ASB9: variants seen among roughly 807,000 people sequenced by gnomAD.
The protein encoded by ASB9 is ankyrin repeat and SOCS box containing 9.
ASB9 carries 5 observed loss-of-function variants against 16.6 expected under a neutral mutation model. That is an observed-to-expected ratio of 0.30 (90% CI 0.16 to 0.63). The LOEUF (loss-of-function observed/expected upper bound fraction) is 0.63, where lower values mean the gene tolerates loss of function less well. Ranked by LOEUF, ASB9 falls within the 30% of genes least tolerant of loss-of-function variation. The pLI is 0.82. For missense variants in ASB9, 216 were observed against 229.4 expected (o/e 0.94, Z 0.38); for synonymous variants, 100 against 86.4 (o/e 1.16, Z -0.87).
chrX:15,255,928 TAAA>T (rs933330601), intron 2 of ASB9, among the ~76,000 whole-genome samples: 4 of 111,701 alleles, frequency 3.6e-5, no homozygotes, highest in African/African-American at 9.8e-5. Context: ...ATATTTGTAA[TAAA>T]AATATCAGTT....
At position 15,269,763 on chromosome X, in the gene ASB9, AC is replaced by A; in HGVS notation, c.94+17del. On this transcript the variant is annotated intron_variant, in intron 1 of 6. Coordinates refer to ENST00000380488, the MANE Select transcript of ASB9 (RefSeq NM_001031739.3). Reference sequence around the variant, plus strand: ...AGCCAACCTCCCCAGGGCTGATTCCACTGCCCCTATGACTCACCGCCCATCA... The same window carrying A: ...AGCCAACCTCCCCAGGGCTGATTCCATGCCCCTATGACTCACCGCCCATCA... 8.4e-7 allele frequency: 1 copy of A among 1,190,367 alleles called. No individual in the cohort carries two copies. The highest frequency in any genetic ancestry group is 1.1e-6 in the Non-Finnish European group (1 of 881,625).
Position 15,268,909 on chromosome X carries a change from C to T in ASB9, c.94+872G>A, listed in dbSNP as rs748611707. Among the ~76,000 whole-genome samples, 8 of 111,141 alleles carry T rather than the reference C, an allele frequency of 7.2e-5. No individual in the cohort carries two copies. In the East Asian group the frequency reaches 2.0e-3, roughly 28 times the overall value. ...AGCTCTGGGTGCTGGGGCTTGTCTC[C>T]GTCACAAGCCCCCAAGGATCTCAAC... is the stretch of plus-strand genomic sequence containing the variant. On this transcript the variant is annotated intron_variant, in intron 1 of 6. Coordinates refer to ENST00000380488, the MANE Select transcript of ASB9 (RefSeq NM_001031739.3).
chrX:15,264,104 A>G (rs1041264995), intron 1 of ASB9, among the ~76,000 whole-genome samples: 36 of 111,791 alleles, frequency 3.2e-4, no homozygotes, highest in African/African-American at 1.1e-3. Flanking sequence ...GGACAGGGCC[A>G]TACTCTATCC....
At chrX:15,260,200 A>G (rs1481245591) in intron 1 of ASB9, among the ~76,000 whole-genome samples, 2 of 112,083 alleles carry the variant, frequency 1.8e-5, no homozygotes, top group Non-Finnish European at 3.8e-5. Flanking sequence ...GGAGTTCGAG[A>G]CCAGCCTTGC....
chrX:15,247,415 A>G (rs1378765611), intron 6 of ASB9, among the ~76,000 whole-genome samples: 1 of 111,867 alleles, frequency 8.9e-6, no homozygotes, highest in Non-Finnish European at 1.9e-5. Context: ...AGGGGAGGCA[A>G]TTTGAGAATG....
In ASB9 at chrX:15,244,172, G is replaced by C. The variant is rs1420534951; in HGVS notation, c.*334C>G. On this transcript the variant is annotated 3_prime_UTR_variant, in exon 7 of 7. Coordinates refer to ENST00000380488, the MANE Select transcript of ASB9 (RefSeq NM_001031739.3). ...AATTGGACATCTTGACCCAGTGGCTGTGAGGGCTAAATTAGATGATGCAGA... is the reference window on the plus strand; with the variant it reads ...AATTGGACATCTTGACCCAGTGGCTCTGAGGGCTAAATTAGATGATGCAGA... 5.8e-6 allele frequency: 1 copy of C among 171,890 alleles called. No homozygotes were observed. Among genetic ancestry groups the C allele is most frequent in the African/African-American group, 3.1e-5 (1 of 31,946 alleles). The allele number at this position is 171,890 out of a possible 1,213,427, so 14.2% of individuals were successfully genotyped here.
At chrX:15,248,272 T>C (rs1924829727) in intron 6 of ASB9, among the ~76,000 whole-genome samples, 1 of 103,429 alleles carries the variant, frequency 9.7e-6, no homozygotes, top group African/African-American at 3.3e-5. Context: ...TTTATAATAG[T>C]AAATATCTTT....
At chrX:15,264,791 G>A (rs1237871691) in intron 1 of ASB9, among the ~76,000 whole-genome samples, 2 of 112,060 alleles carry the variant, frequency 1.8e-5, no homozygotes, top group South Asian at 3.7e-4. Context: ...CAAGGGGCAG[G>A]ACTGATGCAA....
intron 3 of ASB9, among the ~76,000 whole-genome samples, chrX:15,254,407 C>T (rs1925370422): frequency 8.9e-6 from 1 of 112,236 alleles, no homozygotes; most frequent in South Asian, 3.7e-4. Flanking sequence ...TTTTCTGTCT[C>T]CTCAGACATC....
At chrX:15,269,612 C>T (rs758811225) in intron 1 of ASB9, among the ~76,000 whole-genome samples, 169 bp downstream of exon 1, 1 of 111,947 alleles carries the variant, frequency 8.9e-6, no homozygotes, top group South Asian at 3.7e-4. Flanking sequence ...AAGAAGTATA[C>T]ACATTTTTGA....
chrX:15,248,911 C>T lies in ASB9; in HGVS notation c.593G>A (p.Gly198Asp), dbSNP rs780881880. 1.2e-5 allele frequency: 14 copies of T among 1,198,801 alleles called. No homozygotes were observed. The African/African-American group carries it at 1.8e-4, about 15-fold the overall frequency. The change falls in exon 6 of 7, where the codon GGT becomes GAT. Residue 198 changes from glycine to aspartate, a missense_variant. Physicochemically the swap from Gly to Asp is moderately conservative, Grantham distance 94 (BLOSUM62 -1). Transcript: ENST00000380488. ...CACTGCATGAAGTGGGGAATCCTGA[C>T]CTTTCCCTTGGTTCACGTCCGCTCC... Reference protein sequence around the residue: ...ESGADVNQGKGQDSPLHAVAR... With the variant: ...ESGADVNQGKDQDSPLHAVAR...
In ASB9 at chrX:15,244,149, T is replaced by C. The variant is rs954518446; in HGVS notation, c.*357A>G. On this transcript the variant is annotated 3_prime_UTR_variant, in exon 7 of 7. Transcript: ENST00000380488. ...ACTCCTCTATCCTTACTCTGGAAAATTGGACATCTTGACCCAGTGGCTGTG... is the reference window on the plus strand; with the variant it reads ...ACTCCTCTATCCTTACTCTGGAAAACTGGACATCTTGACCCAGTGGCTGTG... The C allele has an allele frequency of 8.3e-5, 13 of 156,322 alleles. No homozygotes were observed. Among genetic ancestry groups the C allele is most frequent in the African/African-American group, 4.1e-4 (13 of 31,529 alleles). 12.9% of individuals were successfully genotyped at this position (156,322 alleles called of 1,213,427 possible). A position where few individuals can be genotyped will look rare whatever the true frequency, so the allele number is the denominator to read the frequency against.
chrX:15,245,672 G>C (rs5978721), intron 6 of ASB9, among the ~76,000 whole-genome samples: 13 of 110,486 alleles, frequency 1.2e-4, no homozygotes, highest in South Asian at 3.9e-4. Context: ...TGTTGCTTCA[G>C]TTATTGTTGG....
At chrX:15,266,264 T>G (rs1251897592) in intron 1 of ASB9, among the ~76,000 whole-genome samples, 3 of 112,139 alleles carry the variant, frequency 2.7e-5, no homozygotes, top group Non-Finnish European at 5.6e-5. Flanking sequence ...TGTATTTCAA[T>G]AAGCTCTCCA....
chrX:15,254,923 A>G, intron 2 of ASB9, 79 bp from the exon 3 acceptor site: 1 of 783,526 alleles, frequency 1.3e-6, no homozygotes, highest in Non-Finnish European at 1.9e-6. Flanking sequence ...CCATTCCAGT[A>G]CTATGACAAA....
rs1252893706 is a variant in ASB9 at position 15,269,770 on chromosome X, C to G, written c.94+11G>C. 8.3e-7 allele frequency: 1 copy of G among 1,199,530 alleles called. No homozygotes were observed. Among genetic ancestry groups the G allele is most frequent in the Non-Finnish European group, 1.1e-6 (1 of 888,581 alleles). On this transcript the variant is annotated intron_variant, in intron 1 of 6. Transcript: ENST00000380488. ...CTCCCCAGGGCTGATTCCACTGCCC[C>G]TATGACTCACCGCCCATCAATGGGT...
At chrX:15,245,789 C>T (rs1924613431) in intron 6 of ASB9, among the ~76,000 whole-genome samples, 1 of 111,989 alleles carries the variant, frequency 8.9e-6, no homozygotes, top group Admixed American at 9.5e-5. Context: ...CTCTATTTTC[C>T]TATAGCAATA....
chrX:15,269,834 G>A lies in ASB9; in HGVS notation c.41C>T (p.Ala14Val), dbSNP rs145215679. ...GATGCCAGGAAAGTCCCTTGGCCCCGCGGGCTTGCTCCCATCCATGCCCCC... is the reference window on the plus strand; with the variant it reads ...GATGCCAGGAAAGTCCCTTGGCCCCACGGGCTTGCTCCCATCCATGCCCCC... ...KQGGMDGSKP[A>V]GPRDFPGIRL... is the part of the protein sequence containing the mutation. Residue 14 changes from alanine to valine, a missense_variant, in exon 1 of 7, where the codon GCG (alanine) becomes GTG (valine). By Grantham distance (64) the Ala-to-Val change is moderately conservative. Coordinates refer to ENST00000380488, the MANE Select transcript of ASB9 (RefSeq NM_001031739.3). The A allele has an allele frequency of 1.9e-4, 229 of 1,205,434 alleles. No individual in the cohort carries two copies. The highest frequency in any genetic ancestry group is 2.5e-4 in the Non-Finnish European group (219 of 893,131).
Position 15,244,433 on chromosome X carries a change from A to G in ASB9, c.*73T>C, listed in dbSNP as rs1924488558. The G allele has an allele frequency of 9.2e-7, 1 of 1,084,733 alleles. No individual in the cohort carries two copies. Among genetic ancestry groups the G allele is most frequent in the African/African-American group, 1.8e-5 (1 of 54,512 alleles). 89.4% of individuals were successfully genotyped at this position (1,084,733 alleles called of 1,213,427 possible). A position where few individuals can be genotyped will look rare whatever the true frequency, so the allele number is the denominator to read the frequency against. On this transcript the variant is annotated 3_prime_UTR_variant, in exon 7 of 7. Transcript: ENST00000380488. The stretch of plus-strand genomic sequence containing the variant: ...AGTCAAACTCTATAAATCCAACTTG[A>G]TTTTAAAATTCTAGTGGCTACAACA...
Sources: gnomAD v4.1 joint callset for allele counts (sites outside exome capture counted in the v4.1 genomes callset) on GRCh38, gnomAD v4.1.1 for gene constraint, MANE v1.5 for transcripts, NCBI Gene and HGNC (gene_info 2026-07-23, HGNC 2026-07-21) for gene names.